Variants in AFAP1 observed in about 807,000 individuals in gnomAD.
The protein encoded by AFAP1 is actin filament-associated protein 1.
A neutral mutation model predicts 93.9 loss-of-function variants in AFAP1; 75 were observed. That is an observed-to-expected ratio of 0.80 (90% CI 0.66 to 0.97). The LOEUF (loss-of-function observed/expected upper bound fraction) is 0.97. Ranked by LOEUF, AFAP1 falls within the 50% of genes least tolerant of loss-of-function variation. AFAP1 has a pLI of 0.00. For synonymous variants in AFAP1, 517 were observed against 430.7 expected (o/e 1.20, Z -2.48); for missense variants, 1,201 against 1,050.8 (o/e 1.14, Z -1.98).
At chr4:7,771,578 G>A (rs1011745080) in intron 16 of AFAP1, among the ~76,000 whole-genome samples, 3 of 152,138 alleles carry the variant, frequency 2.0e-5, no homozygotes, top group African/African-American at 4.8e-5. Flanking sequence ...CAGGCGCTTC[G>A]GTGGGCACTG....
At position 7,871,979 on chromosome 4, in the gene AFAP1, T is replaced by A; in HGVS notation, c.100A>T (p.Ile34Phe). ...TTGGATGACTGTATTCTTAGCAGAA[T>A]GTTGGTTATCACTGCCTTTTTCTCC... ...VREKKAVITN[I>F]LLRIQSSKGF... Residue 34 changes from isoleucine to phenylalanine, a missense_variant, in exon 2 of 18, where the codon ATT (isoleucine) becomes TTT (phenylalanine). Ile to Phe is a conservative substitution (Grantham distance 21). Coordinates refer to ENST00000420658, the MANE Select transcript of AFAP1 (RefSeq NM_001134647.2). 6.2e-7 allele frequency: 1 copy of A among 1,614,228 alleles called. No homozygotes were observed. The highest frequency in any genetic ancestry group is 1.1e-5 in the South Asian group (1 of 91,088).
chr4:7,810,053 G>T lies in AFAP1; in HGVS notation c.905-290C>A, dbSNP rs574846781. Among the ~76,000 whole-genome samples, 151 of 152,232 alleles carry T rather than the reference G, an allele frequency of 9.9e-4. 2 individuals carry two copies. Among genetic ancestry groups the T allele is most frequent in the South Asian group, 2.1e-3 (10 of 4,818 alleles). ...AATTTTTGTACTTTTTGTAGAAATG[G>T]GGTTTCCCCATGTTGCCCAGGCTGG... On this transcript the variant is annotated intron_variant, in intron 8 of 17. Transcript: ENST00000420658.
In AFAP1 at chr4:7,888,041, G is replaced by A. The variant is rs1718233009; in HGVS notation, c.-2-15961C>T. Among the ~76,000 whole-genome samples, 6 of 151,944 alleles carry A rather than the reference G, an allele frequency of 3.9e-5. No homozygotes were observed. The South Asian group carries it at 1.2e-3, about 32-fold the overall frequency. On this transcript the variant is annotated intron_variant, in intron 1 of 17. Coordinates refer to ENST00000420658, the MANE Select transcript of AFAP1 (RefSeq NM_001134647.2). ...ATGGTTTCACCATGTTGGCCAGGCT[G>A]GTCTTTCATTCCTGGCCTCAAGTTA...
At chr4:7,802,864 A>T (rs7378239) in intron 9 of AFAP1, among the ~76,000 whole-genome samples, 85,599 of 151,916 alleles carry the variant, frequency 0.56, 24,409 homozygotes, top group East Asian at 0.83. Flanking sequence ...TTAGCCAGGA[A>T]GGTCTCGATC....
chr4:7,890,395 T>A (rs1185824518), intron 1 of AFAP1, among the ~76,000 whole-genome samples: 1 of 152,162 alleles, frequency 6.6e-6, no homozygotes, highest in East Asian at 1.9e-4. Flanking sequence ...AGATCAGACC[T>A]AAACATAAAA....
chr4:7,893,397 G>A lies in AFAP1; in HGVS notation c.-2-21317C>T, dbSNP rs556913385. 1.1e-4 allele frequency among the ~76,000 whole-genome samples: 16 copies of A among 152,150 alleles called. No individual in the cohort carries two copies. In the South Asian group the frequency reaches 3.1e-3, roughly 30 times the overall value. On this transcript the variant is annotated intron_variant, in intron 1 of 17. Transcript: ENST00000420658. ...AGATCCAGACCATCCTGGCTAACATGGTGAAACCCCGTCTCTACTAAAAAA... is the reference window on the plus strand; with the variant it reads ...AGATCCAGACCATCCTGGCTAACATAGTGAAACCCCGTCTCTACTAAAAAA...
chr4:7,925,323 A>G (rs2149240470), intron 1 of AFAP1, among the ~76,000 whole-genome samples: 1 of 152,196 alleles, frequency 6.6e-6, no homozygotes, highest in African/African-American at 2.4e-5. Context: ...GTCACTCCCC[A>G]CCAACCAGGG....
chr4:7,840,305 G>GGTGT (rs5855989), intron 5 of AFAP1, among the ~76,000 whole-genome samples: 5,641 of 131,192 alleles, frequency 0.043, 161 homozygotes, highest in African/African-American at 0.083. Flanking sequence ...TTGTTTTTGG[G>GGTGT]GTGTGTGTGT....
intron 1 of AFAP1, among the ~76,000 whole-genome samples, chr4:7,911,861 C>G (rs1043964462): frequency 6.6e-6 from 1 of 152,124 alleles, no homozygotes; most frequent in African/African-American, 2.4e-5. Context: ...TGGAAGGCTA[C>G]CTGGGATATT....
chr4:7,845,555 C>A (rs551337840), intron 4 of AFAP1, among the ~76,000 whole-genome samples: 1 of 152,042 alleles, frequency 6.6e-6, no homozygotes, highest in South Asian at 2.1e-4. Context: ...TCAGAGGCCA[C>A]GAGGGATGCA....
intron 11 of AFAP1, among the ~76,000 whole-genome samples, chr4:7,789,819 T>C (rs900346662): frequency 7.2e-5 from 11 of 152,188 alleles, no homozygotes; most frequent in Admixed American, 2.6e-4. Flanking sequence ...TCCTCCCAAC[T>C]GCTTCCTGAG....
intron 13 of AFAP1, 119 bp from the exon 14 acceptor site, chr4:7,778,995 T>C: frequency 2.6e-6 from 2 of 765,210 alleles, no homozygotes; most frequent in Admixed American, 2.8e-5. Flanking sequence ...CTGGCATAGA[T>C]GGAGGAAAAA....
At chr4:7,777,859 G>A (rs1162627449) in intron 14 of AFAP1, 1 of 152,200 alleles carries the variant, frequency 6.6e-6, no homozygotes, top group African/African-American at 2.4e-5. Flanking sequence ...GACCACTTTG[G>A]TGTATCTTTG....
At chr4:7,781,273 T>C in intron 13 of AFAP1, 103 bp downstream of exon 13, 4 of 1,381,534 alleles carry the variant, frequency 2.9e-6, no homozygotes, top group South Asian at 1.5e-5. Flanking sequence ...AAACACATTA[T>C]GCTTTGCCTT....
At chr4:7,876,376 T>G (rs1448796596) in intron 1 of AFAP1, among the ~76,000 whole-genome samples, 1 of 152,248 alleles carries the variant, frequency 6.6e-6, no homozygotes, top group Non-Finnish European at 1.5e-5. Context: ...AGGTTATGGT[T>G]AATTGGACGG....
At chr4:7,821,248 T>G (rs927638550) in intron 6 of AFAP1, among the ~76,000 whole-genome samples, 1 of 152,212 alleles carries the variant, frequency 6.6e-6, no homozygotes, top group East Asian at 1.9e-4. Context: ...TGCAGGACTA[T>G]GGTTAAACTG....
chr4:7,854,656 A>T (rs1031597608), intron 4 of AFAP1, among the ~76,000 whole-genome samples: 1 of 152,234 alleles, frequency 6.6e-6, no homozygotes, highest in Non-Finnish European at 1.5e-5. Context: ...AAAGAAGATC[A>T]ATGCACCAGG....
chr4:7,864,023 ATTCCCAACTTCCCATCACAACC>A (rs1716078726), intron 3 of AFAP1, among the ~76,000 whole-genome samples: 2 of 22,406 alleles, frequency 8.9e-5, no homozygotes, highest in Middle Eastern at 0.083. Context: ...ATCACAACCC[ATTCCCAACTTCCCATCACAACC>A]CATTCCCAAC....
intron 6 of AFAP1, among the ~76,000 whole-genome samples, chr4:7,826,011 A>G (rs1721386824): frequency 6.6e-6 from 1 of 151,982 alleles, no homozygotes; most frequent in Non-Finnish European, 1.5e-5. Flanking sequence ...TGAAGATGCA[A>G]AAAACCTACA....
Sources: gnomAD v4.1 joint callset for allele counts (sites outside exome capture counted in the v4.1 genomes callset) on GRCh38, gnomAD v4.1.1 for gene constraint, MANE v1.5 for transcripts, NCBI Gene and HGNC (gene_info 2026-07-23, HGNC 2026-07-21) for gene names.